DPYSL5: variants seen among roughly 807,000 people sequenced by gnomAD.
The protein encoded by DPYSL5 is dihydropyrimidinase like 5.
A neutral mutation model predicts 58.4 loss-of-function variants in DPYSL5; 9 were observed. That is an observed-to-expected ratio of 0.15 (90% CI 0.09 to 0.27). The LOEUF is 0.27. DPYSL5 is among the 10% of genes least tolerant of loss of function. The pLI is 1.00. For missense variants in DPYSL5, 499 were observed against 770.6 expected (o/e 0.65, Z 4.17); for synonymous variants, 293 against 301.9 (o/e 0.97, Z 0.31).
intron 1 of DPYSL5, among the ~76,000 whole-genome samples, chr2:26,884,121 G>A (rs1275905561): frequency 6.6e-6 from 1 of 152,196 alleles, no homozygotes; most frequent in African/African-American, 2.4e-5. Flanking sequence ...CAAGAGCACG[G>A]GAAGCACAGC....
intron 1 of DPYSL5, among the ~76,000 whole-genome samples, chr2:26,856,946 ATATAT>A (rs948563667): frequency 6.7e-6 from 1 of 148,316 alleles, no homozygotes; most frequent in Admixed American, 6.8e-5. Flanking sequence ...TATATATAAT[ATATAT>A]TATACTAGTT....
At chr2:26,900,936 G>A (rs1015057834) in intron 2 of DPYSL5, among the ~76,000 whole-genome samples, 2 of 152,064 alleles carry the variant, frequency 1.3e-5, no homozygotes, top group African/African-American at 2.4e-5. Flanking sequence ...ATCTGCTAGG[G>A]CCTCATTAGC....
intron 1 of DPYSL5, among the ~76,000 whole-genome samples, chr2:26,889,047 G>A (rs565053408): frequency 1.3e-5 from 2 of 151,888 alleles, no homozygotes; most frequent in African/African-American, 4.8e-5. Context: ...CATTCATGAG[G>A]GTTCACAAAG....
intron 2 of DPYSL5, among the ~76,000 whole-genome samples, chr2:26,904,232 A>G (rs1167716310): frequency 3.3e-5 from 5 of 152,144 alleles, no homozygotes; most frequent in Admixed American, 2.6e-4. Flanking sequence ...TGCCGCTAGG[A>G]CATAAATAAA....
At chr2:26,914,345 A>G (rs139544676) in intron 2 of DPYSL5, among the ~76,000 whole-genome samples, 1 of 152,196 alleles carries the variant, frequency 6.6e-6, no homozygotes, top group Non-Finnish European at 1.5e-5. Flanking sequence ...AGAGCCTTCT[A>G]TAAGGGAGCG....
chr2:26,870,160 T>C (rs1403398235), intron 1 of DPYSL5, among the ~76,000 whole-genome samples: 1 of 152,250 alleles, frequency 6.6e-6, no homozygotes, highest in East Asian at 1.9e-4. Flanking sequence ...CTAATTATAA[T>C]GACTGACTTT....
intron 1 of DPYSL5, among the ~76,000 whole-genome samples, chr2:26,880,881 C>T (rs1180023944): frequency 1.3e-5 from 2 of 152,228 alleles, no homozygotes; most frequent in African/African-American, 2.4e-5. Context: ...ATGTGCCAAA[C>T]CCTCAGAGGA....
intron 1 of DPYSL5, among the ~76,000 whole-genome samples, chr2:26,872,375 C>A (rs1663286562): frequency 6.6e-6 from 1 of 152,120 alleles, no homozygotes; most frequent in Non-Finnish European, 1.5e-5. Context: ...CAGAACACTC[C>A]ACAGAAGTGT....
intron 1 of DPYSL5, among the ~76,000 whole-genome samples, chr2:26,888,660 G>T (rs963759392): frequency 6.6e-6 from 1 of 152,106 alleles, no homozygotes; most frequent in Admixed American, 6.6e-5. Flanking sequence ...TTTGAATTCT[G>T]TTGTTTGCAT....
intron 12 of DPYSL5, among the ~76,000 whole-genome samples, chr2:26,945,717 CA>C (rs1220786485): frequency 6.6e-6 from 1 of 152,250 alleles, no homozygotes; most frequent in African/African-American, 2.4e-5. Flanking sequence ...ACCAAGCACC[CA>C]CTCAGTAAGG....
chr2:26,945,373 G>A lies in DPYSL5; in HGVS notation c.1609+549G>A, dbSNP rs566816148. On this transcript the variant is annotated intron_variant, in intron 12 of 12. Transcript: ENST00000288699. ...AACTTTAAGTAAAATATTTTCTCTC[G>A]ACTTCTGATGCCCAGTTTTTTCTCT... Among the ~76,000 whole-genome samples, 6 of 147,720 alleles carry A rather than the reference G, an allele frequency of 4.1e-5. No individual in the cohort carries two copies. In the East Asian group the frequency reaches 9.9e-4, roughly 24 times the overall value.
At chr2:26,922,019 G>A (rs924761881) in intron 2 of DPYSL5, among the ~76,000 whole-genome samples, 1 of 152,056 alleles carries the variant, frequency 6.6e-6, no homozygotes, top group Non-Finnish European at 1.5e-5. Flanking sequence ...TGGACTTTAG[G>A]GTCCTCTTCG....
chr2:26,896,787 G>C (rs527267), intron 1 of DPYSL5, among the ~76,000 whole-genome samples: 67,510 of 152,036 alleles, frequency 0.44, 15,428 homozygotes, highest in Admixed American at 0.55. Context: ...AACCTCTTGT[G>C]AGATGTATAG....
At chr2:26,881,037 G>A (rs1251836077) in intron 1 of DPYSL5, among the ~76,000 whole-genome samples, 1 of 152,180 alleles carries the variant, frequency 6.6e-6, no homozygotes, top group Admixed American at 6.5e-5. Flanking sequence ...AATCGTGTGT[G>A]AGCTCTTGAG....
intron 1 of DPYSL5, among the ~76,000 whole-genome samples, chr2:26,897,579 T>G (rs1664050965): frequency 6.6e-6 from 1 of 152,236 alleles, no homozygotes; most frequent in African/African-American, 2.4e-5. Context: ...GTCAAGAATT[T>G]TTTATATCTA....
intron 1 of DPYSL5, among the ~76,000 whole-genome samples, chr2:26,871,886 T>C (rs191613724): frequency 2.0e-5 from 3 of 152,296 alleles, no homozygotes; most frequent in Admixed American, 2.0e-4. Context: ...CATAAATAGA[T>C]AACTAGAAAA....
rs569229243 is a variant in DPYSL5 at position 26,934,862 on chromosome 2, C to A, written c.947+128C>A. The A allele has an allele frequency of 6.2e-6, 8 of 1,287,480 alleles. No homozygotes were observed. Among genetic ancestry groups the A allele is most frequent in the South Asian group, 5.5e-5 (4 of 73,064 alleles). The allele number at this position is 1,287,480 out of a possible 1,614,324, so 79.8% of individuals were successfully genotyped here. ...CCATAGGATCATTGTGCTTTTCTTA[C>A]CTTCTCTGAGCCCATCAGATAATTG... is the stretch of plus-strand genomic sequence containing the variant. On this transcript the variant is annotated intron_variant, in intron 8 of 12. Coordinates refer to ENST00000288699, the MANE Select transcript of DPYSL5 (RefSeq NM_020134.4). The surrounding 1 kb of genome is among the most constrained non-coding windows in gnomAD (Gnocchi z 4.3).
intron 1 of DPYSL5, among the ~76,000 whole-genome samples, chr2:26,883,071 GT>G (rs1424688032): frequency 1.3e-5 from 2 of 151,226 alleles, no homozygotes; most frequent in African/African-American, 4.9e-5. Flanking sequence ...GTATTTGTAT[GT>G]TTTTTTAAAG....
chr2:26,870,745 G>A (rs1377495959), intron 1 of DPYSL5, among the ~76,000 whole-genome samples: 1 of 151,634 alleles, frequency 6.6e-6, no homozygotes, highest in African/African-American at 2.4e-5. Context: ...GAGTTCAGGA[G>A]CTTGTCATCA....
Sources: gnomAD v4.1 joint callset for allele counts (sites outside exome capture counted in the v4.1 genomes callset) on GRCh38, gnomAD v4.1.1 for gene constraint, Gnocchi (gnomAD v3.1) non-coding constraint, MANE v1.5 for transcripts, NCBI Gene and HGNC (gene_info 2026-07-23, HGNC 2026-07-21) for gene names.